Variants in KCNK1 observed in about 807,000 individuals in gnomAD.
KCNK1 encodes potassium two pore domain channel subfamily K member 1.
Under a neutral mutation model 22.2 loss-of-function variants are expected in KCNK1, and 10 were observed. The ratio of observed to expected loss-of-function variants is 0.45; its 90% CI spans 0.28 to 0.76. KCNK1 has a LOEUF of 0.76. Among genes scored for constraint, KCNK1 ranks in the 30% least tolerant of loss-of-function variants. The probability of loss-of-function intolerance (pLI) is 0.14; values close to 1 mark genes in which losing one functional copy is unlikely to be tolerated. For synonymous variants in KCNK1, 200 were observed against 186.4 expected, an observed-to-expected ratio of 1.07 and a Z score of -0.60; for missense variants, 378 against 421.0, an observed-to-expected ratio of 0.90 and a Z score of 0.89.
At chr1:233,626,014 G>A (rs1657682554) in intron 1 of KCNK1, among the ~76,000 whole-genome samples, 1 of 152,116 alleles carries the variant, frequency 6.6e-6, no homozygotes, top group African/African-American at 2.4e-5. Context: ...GCAAAGGGTT[G>A]ACACAATCTG....
At chr1:233,631,270 A>G (rs765562271) in intron 1 of KCNK1, 1 of 531,398 alleles carries the variant, frequency 1.9e-6, no homozygotes, top group Non-Finnish European at 3.9e-6. Flanking sequence ...GGTTTCTGAC[A>G]ACATCAAGAT....
chr1:233,669,446 A>G (rs1171208485), intron 2 of KCNK1, among the ~76,000 whole-genome samples: 1 of 152,242 alleles, frequency 6.6e-6, no homozygotes, highest in African/African-American at 2.4e-5. Flanking sequence ...TGAGTATCTA[A>G]CAAATGAATA....
chr1:233,628,760 A>AATAATAATAATAATAATAAT (rs1657738099), intron 1 of KCNK1, among the ~76,000 whole-genome samples: 32 of 148,794 alleles, frequency 2.2e-4, no homozygotes, highest in African/African-American at 7.5e-4. Context: ...ACTCTGTCTC[A>AATAATAATAATAATAATAAT]AATAATAATA....
At chr1:233,620,235 T>C (rs776908220) in intron 1 of KCNK1, among the ~76,000 whole-genome samples, 1 of 152,184 alleles carries the variant, frequency 6.6e-6, no homozygotes, top group African/African-American at 2.4e-5. Flanking sequence ...ACAGAAACCA[T>C]GTGGCCACAA....
At chr1:233,640,045 G>A (rs772821602) in intron 1 of KCNK1, among the ~76,000 whole-genome samples, 1 of 152,228 alleles carries the variant, frequency 6.6e-6, no homozygotes, top group Non-Finnish European at 1.5e-5. Context: ...CTTTCCATCC[G>A]AAGAGAGGTC....
intron 1 of KCNK1, among the ~76,000 whole-genome samples, chr1:233,655,532 G>A (rs1378574100): frequency 1.3e-5 from 2 of 152,182 alleles, no homozygotes; most frequent in African/African-American, 2.4e-5. Flanking sequence ...TGGTCTGAGT[G>A]TTTGTGTCTC....
At chr1:233,644,470 A>T (rs778166879) in intron 1 of KCNK1, among the ~76,000 whole-genome samples, 11 of 152,238 alleles carry the variant, frequency 7.2e-5, no homozygotes, top group Admixed American at 6.5e-5. Flanking sequence ...TGGGAAGGCA[A>T]TCAGTACATA....
At chr1:233,618,167 C>T (rs574711045) in intron 1 of KCNK1, among the ~76,000 whole-genome samples, 305 of 152,262 alleles carry the variant, frequency 2.0e-3, no homozygotes, top group Non-Finnish European at 3.7e-3. Context: ...CCTGCTTCTG[C>T]TGTTTTCTCA....
chr1:233,618,528 A>G (rs1253261278), intron 1 of KCNK1, among the ~76,000 whole-genome samples: 2 of 152,196 alleles, frequency 1.3e-5, no homozygotes, highest in African/African-American at 4.8e-5. Flanking sequence ...TTGATTTACT[A>G]AAGTTTACTT....
chr1:233,629,205 G>A (rs573374943), intron 1 of KCNK1, among the ~76,000 whole-genome samples: 2 of 152,214 alleles, frequency 1.3e-5, no homozygotes, highest in East Asian at 3.9e-4. Flanking sequence ...AGGGTGTAGA[G>A]ACCTAACTGT....
chr1:233,663,051 T>C (rs888070616), intron 1 of KCNK1, among the ~76,000 whole-genome samples: 25 of 152,192 alleles, frequency 1.6e-4, no homozygotes, highest in African/African-American at 5.6e-4. Flanking sequence ...TCATTAAAAT[T>C]CAATAGGACT....
chr1:233,663,498 T>C (rs1658437391), intron 1 of KCNK1, among the ~76,000 whole-genome samples: 1 of 152,336 alleles, frequency 6.6e-6, no homozygotes. Context: ...TTGTTTACTT[T>C]TTTTTCTCTA....
At chr1:233,644,883 A>G (rs964671488) in intron 1 of KCNK1, among the ~76,000 whole-genome samples, 15 of 150,806 alleles carry the variant, frequency 9.9e-5, no homozygotes, top group African/African-American at 3.4e-4. Context: ...TGCAATGGGA[A>G]ATCATTGGGG....
rs753100891 is a variant in KCNK1, at chr1:233,671,367, A to G, written c.848A>G (p.Lys283Arg). ...AAATTCAGAAAAATGTTCTATGTGAAGAAGGACAAGGACGAGGATCAGGTG... is the reference window on the plus strand; with the variant it reads ...AAATTCAGAAAAATGTTCTATGTGAGGAAGGACAAGGACGAGGATCAGGTG... ...LKKFRKMFYV[K>R]KDKDEDQVHI... The change falls in exon 3 of 3, where the codon AAG becomes AGG. Residue 283 changes from lysine to arginine, a missense_variant. By Grantham distance (26) the Lys-to-Arg change is conservative. Transcript: ENST00000366621. 2.5e-6 allele frequency: 4 copies of G among 1,614,176 alleles called. No homozygotes were observed. Among genetic ancestry groups the G allele is most frequent in the Non-Finnish European group, 3.4e-6 (4 of 1,179,992 alleles).
Position 233,672,133 on chromosome 1 carries a change from C to T in KCNK1, c.*603C>T, listed in dbSNP as rs1658611433. 2 of 142,442 alleles carry T rather than the reference C, an allele frequency of 1.4e-5. No individual in the cohort carries two copies. Among genetic ancestry groups the T allele is most frequent in the Non-Finnish European group, 3.2e-5 (2 of 62,384 alleles). 8.8% of individuals were successfully genotyped at this position (142,442 alleles called of 1,614,324 possible). A position where few individuals can be genotyped will look rare whatever the true frequency, so the allele number is the denominator to read the frequency against. The stretch of plus-strand genomic sequence containing the variant: ...ACCAGATCCTAGTGTAGTTCTGAAA[C>T]TAAGACTATAGATATTTTGTTTCTT... On this transcript the variant is annotated 3_prime_UTR_variant, in exon 3 of 3. Coordinates refer to ENST00000366621, the MANE Select transcript of KCNK1 (RefSeq NM_002245.4).
At position 233,671,616 on chromosome 1, in the gene KCNK1, A is replaced by G. The variant is rs1003588609; in HGVS notation, c.*86A>G. ...GTATGTTCATTTTTATCAGAATGCA[A>G]AAGCGAAAATTATGTCACTTTAAGA... On this transcript the variant is annotated 3_prime_UTR_variant, in exon 3 of 3. Coordinates refer to ENST00000366621, the MANE Select transcript of KCNK1 (RefSeq NM_002245.4). 2 of 1,484,166 alleles carry G rather than the reference A, an allele frequency of 1.3e-6. No individual in the cohort carries two copies. The highest frequency in any genetic ancestry group is 2.8e-5 in the African/African-American group (2 of 71,462). 91.9% of individuals were successfully genotyped at this position (1,484,166 alleles called of 1,614,324 possible). A position where few individuals can be genotyped will look rare whatever the true frequency, so the allele number is the denominator to read the frequency against.
rs370066070 is a variant in KCNK1 at position 233,642,771 on chromosome 1, AT to A, written c.356-23814del. Among the ~76,000 whole-genome samples the A allele has an allele frequency of 2.0e-4, 30 of 149,366 alleles. No homozygotes were observed. The East Asian group carries it at 4.3e-3, about 22-fold the overall frequency. On this transcript the variant is annotated intron_variant, in intron 1 of 2. Transcript: ENST00000366621. Reference sequence around the variant, plus strand: ...TCCAAAGTCACTGGCTCTTGGTGCCATTTTTTTTTTCTTTTGAGACAGAGTC... The same window carrying A: ...TCCAAAGTCACTGGCTCTTGGTGCCATTTTTTTTTCTTTTGAGACAGAGTC...
rs185551189 is a variant in KCNK1, at chr1:233,663,913, G to T, written c.356-2682G>T. Reference sequence around the variant, plus strand: ...ATGGCGCGATCTCAGCTCACTGCAAGCTCCGCCTCACGGGTTCAAACAATT... The same window carrying T: ...ATGGCGCGATCTCAGCTCACTGCAATCTCCGCCTCACGGGTTCAAACAATT... On this transcript the variant is annotated intron_variant, in intron 1 of 2. Coordinates refer to ENST00000366621, the MANE Select transcript of KCNK1 (RefSeq NM_002245.4). 2.6e-3 allele frequency among the ~76,000 whole-genome samples: 400 copies of T among 152,068 alleles called. 1 individual carries two copies. The highest frequency in any genetic ancestry group is 9.3e-3 in the African/African-American group (386 of 41,490).
At chr1:233,666,514 A>T (rs774159868) in intron 1 of KCNK1, 81 bp from the exon 2 acceptor site, 2 of 1,356,978 alleles carry the variant, frequency 1.5e-6, no homozygotes, top group Non-Finnish European at 1.0e-6. Context: ...ATAAGGGCAG[A>T]TGATAGGCAT....
Sources: gnomAD v4.1 joint callset for allele counts (sites outside exome capture counted in the v4.1 genomes callset) on GRCh38, gnomAD v4.1.1 for gene constraint, MANE v1.5 for transcripts, NCBI Gene and HGNC (gene_info 2026-07-23, HGNC 2026-07-21) for gene names.